Variants in SPMAP2L observed in about 807,000 individuals in gnomAD.
SPMAP2L encodes the protein sperm microtubule associated protein 2 like.
chr4:56,530,667 T>C, the SPMAP2L span: 2 of 1,532,354 alleles, frequency 1.3e-6, no homozygotes, highest in South Asian at 2.4e-5. Flanking sequence ...GACAGAAGCT[T>C]CTGGCGCGAA....
At chr4:56,593,653 A>AT in the SPMAP2L span, 16 of 1,605,544 alleles carry the variant, frequency 1.0e-5, no homozygotes, top group South Asian at 3.3e-5. Context: ...CCCACGCAGC[A>AT]TTTTTTGCCG....
At chr4:56,538,945 T>C in the SPMAP2L span, among the ~76,000 whole-genome samples, 87 of 152,352 alleles carry the variant, frequency 5.7e-4, no homozygotes, top group African/African-American at 2.1e-3. Flanking sequence ...ATTTATATAA[T>C]ATTTACAAAA....
the SPMAP2L span, among the ~76,000 whole-genome samples, chr4:56,558,834 G>T: frequency 6.6e-6 from 1 of 151,598 alleles, no homozygotes; most frequent in African/African-American, 2.4e-5. Flanking sequence ...ATATTTTATG[G>T]CTTATCAAAA....
chr4:56,586,854 C>T, the SPMAP2L span, among the ~76,000 whole-genome samples: 94 of 152,052 alleles, frequency 6.2e-4, no homozygotes, highest in African/African-American at 1.9e-3. Context: ...AAGGGGGCAG[C>T]GACACAAACC....
the SPMAP2L span, among the ~76,000 whole-genome samples, chr4:56,576,567 G>T: frequency 1.3e-5 from 2 of 152,284 alleles, no homozygotes; most frequent in African/African-American, 4.8e-5. Flanking sequence ...TCAAGCCCAG[G>T]CTGGAACTGT....
chr4:56,577,299 G>A, the SPMAP2L span, among the ~76,000 whole-genome samples: 1 of 152,064 alleles, frequency 6.6e-6, no homozygotes, highest in Non-Finnish European at 1.5e-5. Context: ...CAGCTACTCA[G>A]GTGGCAGAGG....
the SPMAP2L span, among the ~76,000 whole-genome samples, chr4:56,538,943 A>G: frequency 3.9e-5 from 6 of 152,242 alleles, no homozygotes; most frequent in African/African-American, 1.4e-4. Flanking sequence ...ATATTTATAT[A>G]ATATTTACAA....
chr4:56,600,812 T>A, the SPMAP2L span: 1 of 986,462 alleles, frequency 1.0e-6, no homozygotes. Context: ...GAGAGACCAG[T>A]TACGAGTCTG....
chr4:56,614,763 A>T, the SPMAP2L span, among the ~76,000 whole-genome samples: 1 of 152,142 alleles, frequency 6.6e-6, no homozygotes, highest in Non-Finnish European at 1.5e-5. Context: ...ATACTCAATG[A>T]TTGTTATTGC....
the SPMAP2L span, among the ~76,000 whole-genome samples, chr4:56,590,084 G>A: frequency 2.6e-5 from 4 of 152,142 alleles, no homozygotes; most frequent in Non-Finnish European, 5.9e-5. Flanking sequence ...GGGCATCCTT[G>A]TATTGTTTCA....
the SPMAP2L span, among the ~76,000 whole-genome samples, chr4:56,578,377 A>T: frequency 6.6e-6 from 1 of 152,186 alleles, no homozygotes; most frequent in South Asian, 2.1e-4. Flanking sequence ...AAGGAAATTT[A>T]AATGTCACAG....
At chr4:56,592,497 C>T in the SPMAP2L span, among the ~76,000 whole-genome samples, 2 of 152,260 alleles carry the variant, frequency 1.3e-5, no homozygotes, top group African/African-American at 2.4e-5. Context: ...AGCGCAGCGC[C>T]CATTCATTGC....
chr4:56,591,158 C>A, the SPMAP2L span, among the ~76,000 whole-genome samples: 3 of 152,080 alleles, frequency 2.0e-5, no homozygotes, highest in Non-Finnish European at 4.4e-5. Flanking sequence ...GAGTGGATAT[C>A]CCCCTTGCTG....
the SPMAP2L span, among the ~76,000 whole-genome samples, chr4:56,587,919 G>GT: frequency 1.3e-5 from 2 of 152,150 alleles, no homozygotes; most frequent in Non-Finnish European, 2.9e-5. Context: ...GGCTGTACTA[G>GT]TTTACATTCC....
chr4:56,617,337 C>T, the SPMAP2L span, among the ~76,000 whole-genome samples: 16 of 152,244 alleles, frequency 1.1e-4, no homozygotes, highest in South Asian at 3.3e-3. Context: ...TATACTTGGT[C>T]TATTATTGAC....
the SPMAP2L span, among the ~76,000 whole-genome samples, chr4:56,543,296 G>A: frequency 1.3e-5 from 2 of 152,094 alleles, no homozygotes; most frequent in African/African-American, 4.8e-5. Context: ...TGTTAGCCAG[G>A]ATGGTCTCGA....
chr4:56,594,254 A>G, the SPMAP2L span: 5 of 1,588,220 alleles, frequency 3.1e-6, no homozygotes, highest in African/African-American at 6.7e-5. Context: ...CTCTGAAACA[A>G]ATATTGTCCG....
At chr4:56,558,149 G>A in the SPMAP2L span, among the ~76,000 whole-genome samples, 1 of 151,862 alleles carries the variant, frequency 6.6e-6, no homozygotes, top group Non-Finnish European at 1.5e-5. Context: ...TTGTACTTTT[G>A]TAGAGACAGG....
the SPMAP2L span, among the ~76,000 whole-genome samples, chr4:56,550,390 T>C: frequency 2.0e-5 from 3 of 152,208 alleles, no homozygotes; most frequent in South Asian, 6.2e-4. Flanking sequence ...AAATAGGTTT[T>C]CTCACAAGAA....
Sources: gnomAD v4.1 joint callset for allele counts (sites outside exome capture counted in the v4.1 genomes callset) on GRCh38, gnomAD v4.1.1 for gene constraint, MANE v1.5 for transcripts, NCBI Gene and HGNC (gene_info 2026-07-23, HGNC 2026-07-21) for gene names.